The following KHDRBS1 variants were observed in gnomAD, a reference collection of about 807,000 sequenced individuals.
The protein encoded by KHDRBS1 is KH RNA binding domain containing, signal transduction associated 1, also known as KH domain-containing, RNA-binding, signal transduction-associated protein 1.
In KHDRBS1, 7 loss-of-function variants were observed where a neutral mutation model predicts 48.4. The ratio of observed to expected loss-of-function variants is 0.14; its 90% CI spans 0.08 to 0.27. The LOEUF (loss-of-function observed/expected upper bound fraction) is 0.27. Ranked by LOEUF, KHDRBS1 falls within the 10% of genes least tolerant of loss-of-function variation. KHDRBS1 has a pLI of 1.00. For synonymous variants in KHDRBS1, 241 were observed against 235.8 expected (o/e 1.02, Z -0.20); for missense variants, 458 against 601.2 (o/e 0.76, Z 2.49).
downstream of KHDRBS1, among the ~76,000 whole-genome samples, chr1:32,047,840 G>T (rs1466623875): frequency 6.6e-6 from 1 of 152,008 alleles, no homozygotes; most frequent in Non-Finnish European, 1.5e-5. Flanking sequence ...TCTTATATCT[G>T]CTAATAGTCA....
intron 1 of KHDRBS1, among the ~76,000 whole-genome samples, chr1:32,020,396 A>G (rs981806870): frequency 6.6e-6 from 1 of 150,530 alleles, no homozygotes; most frequent in Non-Finnish European, 1.5e-5. Context: ...ACTGCACTCC[A>G]GCTTGGGCAA....
intron 10 of KHDRBS1, among the ~76,000 whole-genome samples, chr1:32,058,357 C>A (rs1179573244): frequency 6.6e-6 from 1 of 152,164 alleles, no homozygotes; most frequent in African/African-American, 2.4e-5. Context: ...ATCTCGGCAT[C>A]CCAAAGTGCT....
chr1:32,034,036 G>T (rs751924848), intron 4 of KHDRBS1, among the ~76,000 whole-genome samples: 23 of 152,170 alleles, frequency 1.5e-4, no homozygotes, highest in Non-Finnish European at 2.9e-4. Context: ...TTTTAGCAAG[G>T]CCTGGTGGTT....
At position 32,036,163 on chromosome 1, in the gene KHDRBS1, ATTTTTT is replaced by A. The variant is rs397742842; in HGVS notation, c.772-726_772-721del. Reference sequence around the variant, plus strand: ...TACTTATTTCAGGGTCATTTTGAAGATTTTTTTTTTTTTTTTTTTTTTTTTTGAGAT... The same window carrying A: ...TACTTATTTCAGGGTCATTTTGAAGATTTTTTTTTTTTTTTTTTTTGAGAT... On this transcript the variant is annotated intron_variant, in intron 4 of 8. Coordinates refer to ENST00000327300, the MANE Select transcript of KHDRBS1 (RefSeq NM_006559.3). Among the ~76,000 whole-genome samples the A allele has an allele frequency of 7.8e-4, 47 of 60,466 alleles. No individual in the cohort carries two copies. In the East Asian group the frequency reaches 0.014, roughly 18 times the overall value. 39.7% of individuals were successfully genotyped at this position (60,466 alleles called of 152,430 possible).
chr1:32,028,555 T>C (rs1639020160), intron 1 of KHDRBS1, among the ~76,000 whole-genome samples: 1 of 143,120 alleles, frequency 7.0e-6, no homozygotes, highest in Non-Finnish European at 1.5e-5. Context: ...CAGGCTGGAG[T>C]GCAGTGGCGC....
intron 1 of KHDRBS1, among the ~76,000 whole-genome samples, chr1:32,018,996 G>C (rs553613159): frequency 6.4e-4 from 97 of 151,900 alleles, no homozygotes; most frequent in Non-Finnish European, 1.1e-3. Context: ...TCAGGAGGCT[G>C]AGGCAGGAGA....
chr1:32,023,741 C>G (rs1261604719), intron 1 of KHDRBS1, among the ~76,000 whole-genome samples: 1 of 152,110 alleles, frequency 6.6e-6, no homozygotes, highest in African/African-American at 2.4e-5. Context: ...CAAGGAGAGA[C>G]ATACAGAGTT....
In KHDRBS1 at chr1:32,036,358, A is replaced by T. The variant is rs112532690; in HGVS notation, c.772-552A>T. On this transcript the variant is annotated intron_variant, in intron 4 of 8. Coordinates refer to ENST00000327300, the MANE Select transcript of KHDRBS1 (RefSeq NM_006559.3). ...TAATTTTTTTGTATTTTTAGTAGAG[A>T]TAGCGTTTCACCGTGTTAGCCAGGG... Among the ~76,000 whole-genome samples, 3 of 151,664 alleles carry T rather than the reference A, an allele frequency of 2.0e-5. No homozygotes were observed. In the South Asian group the frequency reaches 6.2e-4, roughly 32 times the overall value.
chr1:32,042,175 C>G (rs1053629021), intron 8 of KHDRBS1, among the ~76,000 whole-genome samples: 2 of 152,206 alleles, frequency 1.3e-5, no homozygotes, highest in African/African-American at 4.8e-5. Flanking sequence ...TGCAGACTCA[C>G]TAAGATTAAT....
At chr1:32,034,072 ATATT>A (rs1639130703) in intron 4 of KHDRBS1, among the ~76,000 whole-genome samples, 1 of 152,226 alleles carries the variant, frequency 6.6e-6, no homozygotes, top group South Asian at 2.1e-4. Context: ...CTACTGTTGA[ATATT>A]TAATAACAAG....
chr1:32,046,289 A>G (rs147173261), downstream of KHDRBS1, among the ~76,000 whole-genome samples: 651 of 151,338 alleles, frequency 4.3e-3, 10 homozygotes, highest in East Asian at 0.074. Flanking sequence ...ATCTCAGCTC[A>G]CTGCAACCTC....
chr1:32,058,081 G>A (rs1043678138), intron 10 of KHDRBS1, among the ~76,000 whole-genome samples: 1 of 151,154 alleles, frequency 6.6e-6, no homozygotes, highest in Non-Finnish European at 1.5e-5. Flanking sequence ...TCGCACCACC[G>A]TACTCCAGAC....
intron 4 of KHDRBS1, 130 bp downstream of exon 4, chr1:32,033,464 A>G (rs1324560281): frequency 2.4e-6 from 3 of 1,254,148 alleles, no homozygotes; most frequent in African/African-American, 3.0e-5. Context: ...ACTTATGTTC[A>G]TTTTCCTTAG....
At chr1:32,058,329 G>A (rs527884654) in intron 10 of KHDRBS1, among the ~76,000 whole-genome samples, 21 of 152,028 alleles carry the variant, frequency 1.4e-4, no homozygotes, top group South Asian at 4.1e-4. Flanking sequence ...AAGCAATCTG[G>A]CCTCAAGCAA....
intron 1 of KHDRBS1, among the ~76,000 whole-genome samples, chr1:32,019,874 C>T (rs921512670): frequency 1.4e-4 from 21 of 152,232 alleles, no homozygotes; most frequent in African/African-American, 5.1e-4. Flanking sequence ...CGGTTTCAAG[C>T]AGTTCTCCTG....
At chr1:32,020,828 A>G (rs1638843439) in intron 1 of KHDRBS1, among the ~76,000 whole-genome samples, 1 of 152,178 alleles carries the variant, frequency 6.6e-6, no homozygotes, top group South Asian at 2.1e-4. Flanking sequence ...CTGGCTATCA[A>G]AGGGTAAGGA....
In KHDRBS1 at chr1:32,042,751, C is replaced by G. The variant is rs1242103556; in HGVS notation, c.*127C>G. On this transcript the variant is annotated 3_prime_UTR_variant, in exon 9 of 9. Coordinates refer to ENST00000327300, the MANE Select transcript of KHDRBS1 (RefSeq NM_006559.3). ...GTCTAAGTGTTTTTCTTCGTGGTCC[C>G]CTTCTTCTCCCCACCTTATTCCATT... 2 of 620,878 alleles carry G rather than the reference C, an allele frequency of 3.2e-6. No homozygotes were observed. The highest frequency in any genetic ancestry group is 2.4e-5 in the Admixed American group (1 of 41,856). The allele number at this position is 620,878 out of a possible 1,614,324, so 38.5% of individuals were successfully genotyped here.
At chr1:32,014,514 C>A in intron 1 of KHDRBS1, 137 bp downstream of exon 1, 2 of 937,422 alleles carry the variant, frequency 2.1e-6, no homozygotes, top group Non-Finnish European at 2.8e-6. Flanking sequence ...TTTTTGGGAG[C>A]CTGGATTCCA....
chr1:32,014,205 G>C lies in KHDRBS1; in HGVS notation c.210G>C (p.Ser70=). The C allele has an allele frequency of 7.2e-7, 1 of 1,397,398 alleles. No individual in the cohort carries two copies. The highest frequency in any genetic ancestry group is 1.5e-5 in the African/African-American group (1 of 67,144). The allele number at this position is 1,397,398 out of a possible 1,614,324, so 86.6% of individuals were successfully genotyped here. ...ATQPPPLLPP[S]ATGPDATVGG... is the part of the protein sequence containing the mutation. ...AGCCGCCACCGCTGCTGCCGCCCTCGGCCACGGGTCCCGACGCGACAGTGG... is the reference window on the plus strand; with the variant it reads ...AGCCGCCACCGCTGCTGCCGCCCTCCGCCACGGGTCCCGACGCGACAGTGG... Residue 70 remains serine, a synonymous_variant, in exon 1 of 9, where the codon TCG becomes TCC. Transcript: ENST00000327300.
Sources: allele counts gnomAD v4.1 joint callset (sites outside exome capture counted in the v4.1 genomes callset), GRCh38; gene constraint gnomAD v4.1.1; transcripts MANE v1.5; gene names NCBI Gene and HGNC (gene_info 2026-07-23, HGNC 2026-07-21).